RPS6KA2: variants seen among roughly 807,000 people sequenced by gnomAD.
The protein encoded by RPS6KA2 is ribosomal protein S6 kinase A2.
In RPS6KA2, 42 loss-of-function variants were observed where a neutral mutation model predicts 91.8. The observed-to-expected ratio is 0.46, with a 90% CI of 0.36 to 0.59. The LOEUF is 0.59. Among genes scored for constraint, RPS6KA2 ranks in the 20% least tolerant of loss-of-function variants. The probability of loss-of-function intolerance (pLI) is 0.00; values close to 1 mark genes in which losing one functional copy is unlikely to be tolerated. For missense variants in RPS6KA2, 798 were observed against 978.5 expected, an observed-to-expected ratio of 0.82 and a Z score of 2.46; for synonymous variants, 414 against 393.6, an observed-to-expected ratio of 1.05 and a Z score of -0.61.
In RPS6KA2 at chr6:166,862,228, A is replaced by G. The variant is rs1583188308; in HGVS notation, c.-58T>C. ...TGATAGTAGGAAAGGAAATAAACAG[A>G]GGCTCGGACCGGCACAGGGGGACGG... is the stretch of plus-strand genomic sequence containing the variant. On this transcript the variant is annotated 5_prime_UTR_variant, in exon 1 of 22. Transcript: ENST00000503859. The G allele has an allele frequency of 1.9e-6, 3 of 1,612,314 alleles. No individual in the cohort carries two copies. The East Asian group carries it at 6.7e-5, about 36-fold the overall frequency.
At chr6:166,413,257 C>T (rs1009877390) in intron 20 of RPS6KA2, among the ~76,000 whole-genome samples, 17 of 152,228 alleles carry the variant, frequency 1.1e-4, no homozygotes, top group Non-Finnish European at 1.9e-4. Flanking sequence ...GGGGACACAG[C>T]GAATGCCAGG....
At chr6:166,570,724 C>T (rs907803582) in intron 1 of RPS6KA2, among the ~76,000 whole-genome samples, 2 of 151,984 alleles carry the variant, frequency 1.3e-5, no homozygotes, top group African/African-American at 4.8e-5. Flanking sequence ...GGAAACCAGA[C>T]AACATTCAAA....
intron 10 of RPS6KA2, among the ~76,000 whole-genome samples, chr6:166,478,195 G>T (rs1466723755): frequency 6.6e-6 from 1 of 152,196 alleles, no homozygotes; most frequent in Admixed American, 6.5e-5. Context: ...AGGTGGGGTC[G>T]CGGTGCCTGC....
intron 1 of RPS6KA2, chr6:166,544,458 T>C (rs1181246522): frequency 6.6e-6 from 1 of 152,188 alleles, no homozygotes; most frequent in Non-Finnish European, 1.5e-5. Context: ...GCTGCACCAG[T>C]GAACACATGC....
intron 16 of RPS6KA2, among the ~76,000 whole-genome samples, chr6:166,426,282 C>T (rs1323769367): frequency 2.1e-5 from 3 of 143,540 alleles, no homozygotes; most frequent in Non-Finnish European, 4.6e-5. Context: ...ATACCAGAAT[C>T]TCTGGGACAC....
At position 166,468,640 on chromosome 6, in the gene RPS6KA2, G is replaced by T. The variant is rs1033978355; in HGVS notation, c.972+1201C>A. 2.0e-5 allele frequency among the ~76,000 whole-genome samples: 3 copies of T among 151,994 alleles called. No individual in the cohort carries two copies. In the East Asian group the frequency reaches 5.8e-4, roughly 30 times the overall value. ...GCACTTTGGGAGGCCAAGGTGGGTG[G>T]ATCATGAGGTCAGGAGATCGAGATC... On this transcript the variant is annotated intron_variant, in intron 11 of 20. Coordinates refer to ENST00000265678, the MANE Select transcript of RPS6KA2 (RefSeq NM_021135.6).
chr6:166,452,369 T>G (rs1478201646), intron 12 of RPS6KA2, among the ~76,000 whole-genome samples: 1 of 152,120 alleles, frequency 6.6e-6, no homozygotes, highest in Non-Finnish European at 1.5e-5. Flanking sequence ...ATCAGAAGAA[T>G]TAATATCATC....
intron 1 of RPS6KA2, among the ~76,000 whole-genome samples, chr6:166,570,174 G>A (rs1490726092): frequency 6.6e-6 from 1 of 152,218 alleles, no homozygotes; most frequent in East Asian, 1.9e-4. Flanking sequence ...CCCCAAGGGT[G>A]TAACAGCAAC....
chr6:166,688,877 A>T (rs1789104798), intron 2 of RPS6KA2, among the ~76,000 whole-genome samples: 1 of 152,258 alleles, frequency 6.6e-6, no homozygotes, highest in Non-Finnish European at 1.5e-5. Flanking sequence ...GCTCCTAAAA[A>T]ATTACAAGGA....
rs748606615 is a variant in RPS6KA2 at position 166,495,364 on chromosome 6, C to A, written c.747+3144G>T. ...CTGTCACGAGACATTGAATGCGGGACGATCCCAGCAAACAAGTGAACAATT... is the reference window on the plus strand; with the variant it reads ...CTGTCACGAGACATTGAATGCGGGAAGATCCCAGCAAACAAGTGAACAATT... On this transcript the variant is annotated intron_variant, in intron 8 of 20. Coordinates refer to ENST00000265678, the MANE Select transcript of RPS6KA2 (RefSeq NM_021135.6). The surrounding 1 kb of genome is among the most constrained non-coding windows in gnomAD (Gnocchi z 4.4). Among the ~76,000 whole-genome samples, 1 of 152,144 alleles carries A rather than the reference C, an allele frequency of 6.6e-6. No homozygotes were observed. Among genetic ancestry groups the A allele is most frequent in the African/African-American group, 2.4e-5 (1 of 41,420 alleles).
intron 2 of RPS6KA2, among the ~76,000 whole-genome samples, chr6:166,670,891 G>A (rs1260005904): frequency 6.6e-6 from 1 of 152,214 alleles, no homozygotes; most frequent in Non-Finnish European, 1.5e-5. Context: ...CATGAGGTCA[G>A]CTGACTGCAA....
intron 12 of RPS6KA2, 39 bp from the exon 13 acceptor site, chr6:166,451,272 C>T (rs1458547588): frequency 1.9e-5 from 30 of 1,609,414 alleles, no homozygotes; most frequent in Non-Finnish European, 2.5e-5. Flanking sequence ...GCCACGAAAG[C>T]TGGGTGACCC....
intron 1 of RPS6KA2, among the ~76,000 whole-genome samples, chr6:166,571,298 C>T (rs866289693): frequency 3.3e-5 from 5 of 152,208 alleles, no homozygotes; most frequent in East Asian, 1.9e-4. Flanking sequence ...TAAGGTTAAA[C>T]GCTGACACAC....
chr6:166,722,785 C>T (rs1211056000), intron 2 of RPS6KA2, among the ~76,000 whole-genome samples: 2 of 152,246 alleles, frequency 1.3e-5, no homozygotes, highest in East Asian at 3.8e-4. Flanking sequence ...CTTCAGTCTA[C>T]TACTTAGACT....
At chr6:166,552,923 A>G (rs1784064292) in intron 1 of RPS6KA2, among the ~76,000 whole-genome samples, 1 of 152,214 alleles carries the variant, frequency 6.6e-6, no homozygotes, top group Admixed American at 6.5e-5. Flanking sequence ...CAGGTGTGCA[A>G]TGGCTCTCTA....
At chr6:166,582,899 T>C (rs1305791844) in intron 1 of RPS6KA2, among the ~76,000 whole-genome samples, 3 of 152,218 alleles carry the variant, frequency 2.0e-5, no homozygotes, top group Non-Finnish European at 2.9e-5. Context: ...CTTAAATATT[T>C]TTGGTAACTT....
chr6:166,609,656 C>T (rs1490495510), intron 1 of RPS6KA2, among the ~76,000 whole-genome samples: 1 of 152,022 alleles, frequency 6.6e-6, no homozygotes, highest in Non-Finnish European at 1.5e-5. Flanking sequence ...CATGCCACCA[C>T]TCCCAGCTAA....
In RPS6KA2 at chr6:166,617,803, C is replaced by T. The variant is rs3778376; in HGVS notation, c.99+9118G>A. 3.7e-3 allele frequency among the ~76,000 whole-genome samples: 562 copies of T among 152,338 alleles called. 17 individuals carry two copies. The East Asian group carries it at 0.071, about 19-fold the overall frequency. ...ATGGCCACGCATGGCTCGGGGGCAA[C>T]GGTCCCGCAACAGCCACAGCTGTCT... is the stretch of plus-strand genomic sequence containing the variant. On this transcript the variant is annotated intron_variant, in intron 1 of 20. Coordinates refer to ENST00000265678, the MANE Select transcript of RPS6KA2 (RefSeq NM_021135.6).
chr6:166,428,641 G>A lies in RPS6KA2; in HGVS notation c.1581+1812C>T, dbSNP rs1484052024. 6.2e-3 allele frequency among the ~76,000 whole-genome samples: 924 copies of A among 148,516 alleles called. 12 individuals carry two copies. The highest frequency in any genetic ancestry group is 0.021 in the African/African-American group (865 of 40,506). On this transcript the variant is annotated intron_variant, in intron 16 of 20. Coordinates refer to ENST00000265678, the MANE Select transcript of RPS6KA2 (RefSeq NM_021135.6). Reference sequence around the variant, plus strand: ...AAAACAACCCCATCAAAAAGTGGGCGAAGGACATGAACAGACACTTCTCAA... The same window carrying A: ...AAAACAACCCCATCAAAAAGTGGGCAAAGGACATGAACAGACACTTCTCAA...
Sources: gnomAD v4.1 joint callset for allele counts (sites outside exome capture counted in the v4.1 genomes callset) on GRCh38, gnomAD v4.1.1 for gene constraint, Gnocchi (gnomAD v3.1) non-coding constraint, MANE v1.5 for transcripts, NCBI Gene and HGNC (gene_info 2026-07-23, HGNC 2026-07-21) for gene names.